Variants in WRN observed in about 807,000 individuals in gnomAD.
WRN encodes the protein WRN RecQ like helicase, also known as bifunctional 3'-5' exonuclease/ATP-dependent helicase WRN.
A neutral mutation model predicts 180.7 loss-of-function variants in WRN; 149 were observed. The ratio of observed to expected loss-of-function variants is 0.82; its 90% CI spans 0.72 to 0.94. WRN has a LOEUF of 0.94. Ranked by LOEUF, WRN falls within the 40% of genes least tolerant of loss-of-function variation. The pLI is 0.00. For synonymous variants in WRN, 548 were observed against 568.9 expected (o/e 0.96, Z 0.52); for missense variants, 1,661 against 1,700.1 (o/e 0.98, Z 0.40).
intron 17 of WRN, 90 bp downstream of exon 17, chr8:31,096,940 A>G (rs1176838627): frequency 1.4e-5 from 17 of 1,237,992 alleles, no homozygotes; most frequent in Non-Finnish European, 1.9e-5. Context: ...CACTTCTGTT[A>G]AAGTTTATTT....
At chr8:31,087,676 C>A in intron 11 of WRN, 100 bp from the exon 12 acceptor site, 1 of 1,298,700 alleles carries the variant, frequency 7.7e-7, no homozygotes, top group Non-Finnish European at 1.1e-6. Context: ...CAGCTTTCGA[C>A]AAAATTGTAG....
intron 23 of WRN, among the ~76,000 whole-genome samples, chr8:31,125,998 A>C (rs866179966): frequency 1.2e-4 from 17 of 145,416 alleles, no homozygotes; most frequent in African/African-American, 3.8e-4. Context: ...ATATATATAT[A>C]TCTACTTAAC....
Position 31,167,233 on chromosome 8 carries a change from A to G in WRN, c.4191+3A>G, listed in dbSNP as rs1554538695. 2 of 1,607,518 alleles carry G rather than the reference A, an allele frequency of 1.2e-6. No homozygotes were observed. The highest frequency in any genetic ancestry group is 3.3e-5 in the Admixed American group (2 of 59,758). Reference sequence around the variant, plus strand: ...AAGAAGTAGGCATCAATACTGAGGTATTAATTATATATAGAATTTTCATAA... The same window carrying G: ...AAGAAGTAGGCATCAATACTGAGGTGTTAATTATATATAGAATTTTCATAA... On this transcript the variant is annotated splice_donor_region_variant and intron_variant, in intron 34 of 34. Transcript: ENST00000298139.
At chr8:31,154,890 T>C in intron 32 of WRN, 135 bp downstream of exon 32, 1 of 1,187,364 alleles carries the variant, frequency 8.4e-7, no homozygotes, top group Non-Finnish European at 1.2e-6. Context: ...TTATCTTTAA[T>C]TTTAAAAGAG....
chr8:31,060,729 A>G lies in WRN; in HGVS notation c.209+1464A>G, dbSNP rs556589753. 9.8e-5 allele frequency among the ~76,000 whole-genome samples: 15 copies of G among 152,344 alleles called. No individual in the cohort carries two copies. In the South Asian group the frequency reaches 3.1e-3, roughly 32 times the overall value. ...GGTAAAATCTGTTGTTTATGATTAC[A>G]TATTAACTCTACCATTTTACCTTCA... On this transcript the variant is annotated intron_variant, in intron 3 of 34. Transcript: ENST00000298139.
At chr8:31,085,394 G>A (rs1377600503) in intron 11 of WRN, 148 bp downstream of exon 11, 26 of 870,138 alleles carry the variant, frequency 3.0e-5, no homozygotes, top group Admixed American at 7.2e-5. Flanking sequence ...TCCAATTCAT[G>A]TTTCTTTTAT....
chr8:31,081,080 T>TG lies in WRN; in HGVS notation c.1054dup (p.Asp352GlyfsTer5), dbSNP rs2130119420. On this transcript the variant is annotated frameshift_variant, in exon 9 of 35. Coordinates refer to ENST00000298139, the MANE Select transcript of WRN (RefSeq NM_000553.6). LOFTEE classifies it high-confidence loss of function. ...AAGATGAAACATGGGACCCAACACT[T>TG]GATCATTTAGCTAAACATGATGGAG... 1 of 1,614,058 alleles carries TG rather than the reference T, an allele frequency of 6.2e-7. No homozygotes were observed. Among genetic ancestry groups the TG allele is most frequent in the South Asian group, 1.1e-5 (1 of 91,084 alleles).
intron 11 of WRN, 184 bp from the exon 12 acceptor site, chr8:31,087,592 C>T: frequency 1.7e-6 from 1 of 579,108 alleles, no homozygotes; most frequent in Non-Finnish European, 3.0e-6. Flanking sequence ...GGCCTTGCGC[C>T]TTAGAAACCA....
chr8:31,150,570 A>G, intron 31 of WRN, 115 bp downstream of exon 31: 2 of 836,762 alleles, frequency 2.4e-6, no homozygotes, highest in Non-Finnish European at 2.0e-6. Context: ...CATACTGGAC[A>G]CTTAGAAAAT....
At chr8:31,163,059 C>T (rs1803697485) in intron 33 of WRN, among the ~76,000 whole-genome samples, 1 of 152,216 alleles carries the variant, frequency 6.6e-6, no homozygotes, top group African/African-American at 2.4e-5. Flanking sequence ...CAGAGGCATA[C>T]AATTTAAGAA....
intron 28 of WRN, 146 bp from the exon 29 acceptor site, chr8:31,146,907 A>G: frequency 1.5e-6 from 1 of 653,710 alleles, no homozygotes; most frequent in Non-Finnish European, 2.6e-6. Context: ...GGCTGTTGTC[A>G]TTTAAATAAC....
chr8:31,097,409 C>T (rs1814034541), intron 17 of WRN, among the ~76,000 whole-genome samples: 2 of 152,096 alleles, frequency 1.3e-5, no homozygotes, highest in South Asian at 4.2e-4. Context: ...ACAGGTGATT[C>T]TGATATATAG....
chr8:31,068,497 C>G (rs988240414), intron 7 of WRN, among the ~76,000 whole-genome samples, 170 bp downstream of exon 7: 4 of 152,182 alleles, frequency 2.6e-5, no homozygotes, highest in African/African-American at 9.6e-5. Context: ...AGTGTTTCAT[C>G]TTTGTTACTT....
At chr8:31,140,003 G>GTTTTTTTTTTGTTT (rs1802551223) in intron 24 of WRN, among the ~76,000 whole-genome samples, 1 of 62,086 alleles carries the variant, frequency 1.6e-5, no homozygotes, top group Non-Finnish European at 2.9e-5. Context: ...ATACTTCTTT[G>GTTTTTTTTTTGTTT]TTTTTTTTTT....
In WRN at chr8:31,171,149, G is replaced by C. The variant is rs1456101378; in HGVS notation, c.4192-1846G>C. ...TCAATTAAAGTTCAAACCTGGTTCTGCCTGGTTTCAAAGTCTGTGCTACTC... is the reference window on the plus strand; with the variant it reads ...TCAATTAAAGTTCAAACCTGGTTCTCCCTGGTTTCAAAGTCTGTGCTACTC... On this transcript the variant is annotated intron_variant, in intron 34 of 34. Transcript: ENST00000298139. 3 of 152,128 alleles carry C rather than the reference G, an allele frequency of 2.0e-5. No individual in the cohort carries two copies. In the East Asian group the frequency reaches 5.8e-4, roughly 29 times the overall value. 9.4% of individuals were successfully genotyped at this position (152,128 alleles called of 1,614,324 possible).
chr8:31,096,896 T>G, intron 17 of WRN, 46 bp downstream of exon 17: 1 of 1,544,154 alleles, frequency 6.5e-7, no homozygotes, highest in Non-Finnish European at 8.9e-7. Context: ...TGAGTTAATA[T>G]TTAAAGTTAA....
intron 21 of WRN, 134 bp from the exon 22 acceptor site, chr8:31,124,388 G>C (rs1333238786): frequency 3.3e-5 from 22 of 671,864 alleles, no homozygotes; most frequent in Non-Finnish European, 5.3e-5. Flanking sequence ...TGAGATGCTA[G>C]AAATGTTTTT....
At chr8:31,122,317 G>C (rs1399996097) in intron 21 of WRN, among the ~76,000 whole-genome samples, 1 of 152,004 alleles carries the variant, frequency 6.6e-6, no homozygotes, top group Non-Finnish European at 1.5e-5. Flanking sequence ...GAAAAAACTA[G>C]AAAGTCTAAG....
intron 33 of WRN, among the ~76,000 whole-genome samples, chr8:31,157,801 C>A (rs752609697): frequency 6.6e-5 from 10 of 152,102 alleles, no homozygotes; most frequent in African/African-American, 2.4e-4. Context: ...GATCTTGGCT[C>A]GCTGCAACCT....
Sources: allele counts gnomAD v4.1 joint callset (sites outside exome capture counted in the v4.1 genomes callset), GRCh38; gene constraint gnomAD v4.1.1; transcripts MANE v1.5; gene names NCBI Gene and HGNC (gene_info 2026-07-23, HGNC 2026-07-21).